TMEM120B: variants seen among roughly 807,000 people sequenced by gnomAD.
TMEM120B encodes the protein transmembrane protein 120B.
TMEM120B carries 31 observed loss-of-function variants against 55.5 expected under a neutral mutation model. The ratio of observed to expected loss-of-function variants is 0.56; its 90% confidence interval spans 0.42 to 0.75. TMEM120B has a LOEUF of 0.75. Among genes scored for constraint, TMEM120B ranks in the 30% least tolerant of loss-of-function variants. The pLI is 0.00. For missense variants in TMEM120B, 399 were observed against 425.5 expected (o/e 0.94, Z 0.55); for synonymous variants, 203 against 176.3 (o/e 1.15, Z -1.20).
chr12:121,752,002 A>C, intron 4 of TMEM120B, 126 bp from the exon 5 acceptor site: 2 of 732,968 alleles, frequency 2.7e-6, no homozygotes, highest in Non-Finnish European at 4.6e-6. Flanking sequence ...CTTTAGTGGA[A>C]TGGGAAGGTC....
chr12:121,778,527 G>A lies in TMEM120B; in HGVS notation c.*2805G>A, dbSNP rs1291060326. On this transcript the variant is annotated 3_prime_UTR_variant, in exon 12 of 12. Coordinates refer to ENST00000449592, the MANE Select transcript of TMEM120B (RefSeq NM_001080825.2). ...AAGGAGGCTCAGGGATTAGGTATCTGGCTGTTGGTGACACAGGTGGTCTAT... is the reference window on the plus strand; with the variant it reads ...AAGGAGGCTCAGGGATTAGGTATCTAGCTGTTGGTGACACAGGTGGTCTAT... 6.6e-6 allele frequency: 1 copy of A among 152,026 alleles called. No homozygotes were observed. Among genetic ancestry groups the A allele is most frequent in the Non-Finnish European group, 1.5e-5 (1 of 68,078 alleles). The allele number at this position is 152,026 out of a possible 1,614,324, so 9.4% of individuals were successfully genotyped here. A position where few individuals can be genotyped will look rare whatever the true frequency, so the allele number is the denominator to read the frequency against.
At chr12:121,759,321 A>G (rs908821564) in intron 5 of TMEM120B, among the ~76,000 whole-genome samples, 12 of 152,152 alleles carry the variant, frequency 7.9e-5, no homozygotes, top group African/African-American at 2.9e-4. Flanking sequence ...TTCAGAAGAA[A>G]GAATTTGACT....
intron 5 of TMEM120B, among the ~76,000 whole-genome samples, chr12:121,753,206 C>CAA (rs1427594657): frequency 6.6e-6 from 1 of 152,118 alleles, no homozygotes; most frequent in African/African-American, 2.4e-5. Flanking sequence ...AAGAACCAGT[C>CAA]ACAAAAAGAT....
In TMEM120B at chr12:121,748,380, G is replaced by A. The variant is rs201083292; in HGVS notation, c.243G>A (p.Ala81=). ...EEAELVQQMA[A]NIKERQDVFF... is the part of the protein sequence containing the mutation. ...CGGAGCTCGTTCAGCAGATGGCAGC[G>A]AACATCAAGGAGCGGCAGGACGTCT... is the stretch of plus-strand genomic sequence containing the variant. Residue 81 remains alanine, a synonymous_variant, in exon 3 of 12, where the codon GCG becomes GCA. Transcript: ENST00000449592. 3.1e-4 allele frequency: 499 copies of A among 1,611,016 alleles called. 1 individual carries two copies. In the African/African-American group the frequency reaches 6.0e-3, roughly 19 times the overall value.
Position 121,780,915 on chromosome 12 carries a change from C to T in TMEM120B, c.*5193C>T, listed in dbSNP as rs778854758. 19 of 1,613,784 alleles carry T rather than the reference C, an allele frequency of 1.2e-5. No individual in the cohort carries two copies. Among genetic ancestry groups the T allele is most frequent in the African/African-American group, 4.0e-5 (3 of 74,916 alleles). ...CTCCAGCTGGGCGGCCCGGAGCTTC[C>T]GCAGCTGCTCCTTGTCCTTCCTCAG... On this transcript the variant is annotated 3_prime_UTR_variant, in exon 12 of 12. Coordinates refer to ENST00000449592, the MANE Select transcript of TMEM120B (RefSeq NM_001080825.2).
In TMEM120B at chr12:121,780,856, C is replaced by G. The variant is rs1174940394; in HGVS notation, c.*5134C>G. On this transcript the variant is annotated 3_prime_UTR_variant, in exon 12 of 12. Coordinates refer to ENST00000449592, the MANE Select transcript of TMEM120B (RefSeq NM_001080825.2). ...CACAGCCACGGCTGTGCCCCAGGGT[C>G]TTGGCCCCGGCCCACCTGCATGTAG... 6 of 1,609,884 alleles carry G rather than the reference C, an allele frequency of 3.7e-6. No homozygotes were observed. The highest frequency in any genetic ancestry group is 3.3e-5 in the South Asian group (3 of 90,488).
At chr12:121,756,045 C>T (rs1873467041) in intron 5 of TMEM120B, among the ~76,000 whole-genome samples, 1 of 152,120 alleles carries the variant, frequency 6.6e-6, no homozygotes, top group African/African-American at 2.4e-5. Flanking sequence ...TCCAAGAATC[C>T]AGAGCGATCA....
At chr12:121,748,591 A>T (rs893860517) in intron 3 of TMEM120B, 149 bp downstream of exon 3, 6 of 564,428 alleles carry the variant, frequency 1.1e-5, no homozygotes, top group Non-Finnish European at 1.6e-5. Context: ...CCTTCCTTAC[A>T]CATTCCTCCA....
At chr12:121,716,326 A>G (rs796911536) in intron 1 of TMEM120B, among the ~76,000 whole-genome samples, 93 of 148,454 alleles carry the variant, frequency 6.3e-4, no homozygotes, top group African/African-American at 2.2e-3. Flanking sequence ...AAAAAAAAAG[A>G]GATTTGTTGG....
At chr12:121,725,499 A>G (rs1285211152) in intron 1 of TMEM120B, among the ~76,000 whole-genome samples, 1 of 152,208 alleles carries the variant, frequency 6.6e-6, no homozygotes, top group Non-Finnish European at 1.5e-5. Flanking sequence ...GAGAAATGAA[A>G]AGACAGGTCC....
chr12:121,757,145 G>A (rs12827492), intron 5 of TMEM120B, among the ~76,000 whole-genome samples: 1 of 102,384 alleles, frequency 9.8e-6, no homozygotes, highest in Non-Finnish European at 2.3e-5. Context: ...GGCGGTGGGG[G>A]GGGGGGGTGT....
At chr12:121,754,625 C>A (rs58534280) in intron 5 of TMEM120B, among the ~76,000 whole-genome samples, 12,806 of 152,252 alleles carry the variant, frequency 0.084, 952 homozygotes, top group African/African-American at 0.2. Flanking sequence ...TCGCCTCTGT[C>A]TCTGTCACCA....
intron 1 of TMEM120B, among the ~76,000 whole-genome samples, chr12:121,727,799 G>A (rs558308751): frequency 1.0e-4 from 15 of 150,504 alleles, no homozygotes; most frequent in Admixed American, 2.0e-4. Flanking sequence ...GCGTGAACCC[G>A]GGAGGTGGAG....
intron 1 of TMEM120B, among the ~76,000 whole-genome samples, chr12:121,739,892 C>T (rs1039164198): frequency 1.3e-5 from 2 of 150,596 alleles, no homozygotes; most frequent in African/African-American, 2.4e-5. Context: ...GATTCTCCTG[C>T]CTCAGCCTCC....
chr12:121,752,365 T>TTA, intron 5 of TMEM120B, 142 bp downstream of exon 5: 1 of 668,214 alleles, frequency 1.5e-6, no homozygotes, highest in African/African-American at 1.8e-5. Context: ...GAGGGGCCAT[T>TTA]TCTCATGGGA....
At chr12:121,771,295 G>A (rs1267714626) in intron 7 of TMEM120B, among the ~76,000 whole-genome samples, 193 bp from the exon 8 acceptor site, 1 of 152,136 alleles carries the variant, frequency 6.6e-6, no homozygotes. Context: ...GCACGGCCAT[G>A]TGGACCCCTG....
intron 5 of TMEM120B, among the ~76,000 whole-genome samples, chr12:121,754,273 C>A (rs906874567): frequency 2.6e-5 from 4 of 152,234 alleles, no homozygotes; most frequent in African/African-American, 9.6e-5. Context: ...TAAAAGTTGT[C>A]AATGTGCAGC....
chr12:121,726,518 G>A lies in TMEM120B; in HGVS notation c.69+13554G>A, dbSNP rs141920879. On this transcript the variant is annotated intron_variant, in intron 1 of 11. Transcript: ENST00000449592. ...GGCATGAACCTGGGAGGCGGAGCTT[G>A]CAGTGAGCCGAGATCGCGCTACTGC... Among the ~76,000 whole-genome samples, 780 of 151,110 alleles carry A rather than the reference G, an allele frequency of 5.2e-3. 20 individuals carry two copies. Among genetic ancestry groups the A allele is most frequent in the Admixed American group, 0.048 (722 of 15,072 alleles).
At chr12:121,767,075 C>G (rs777704398) in intron 6 of TMEM120B, among the ~76,000 whole-genome samples, 1 of 152,188 alleles carries the variant, frequency 6.6e-6, no homozygotes, top group Non-Finnish European at 1.5e-5. Flanking sequence ...TTGGGACATG[C>G]TGTCCCTACG....
Sources: gnomAD v4.1 joint callset for allele counts (sites outside exome capture counted in the v4.1 genomes callset) on GRCh38, gnomAD v4.1.1 for gene constraint, MANE v1.5 for transcripts, NCBI Gene and HGNC (gene_info 2026-07-23, HGNC 2026-07-21) for gene names.